The following KAT2B variants were observed in gnomAD, a reference collection of about 807,000 sequenced individuals.
The protein encoded by KAT2B is lysine acetyltransferase 2B, also known as histone acetyltransferase KAT2B.
Under a neutral mutation model 105.9 loss-of-function variants are expected in KAT2B, and 36 were observed. The ratio of observed to expected loss-of-function variants is 0.34; its 90% confidence interval spans 0.26 to 0.45. The LOEUF (loss-of-function observed/expected upper bound fraction) is 0.45, where lower values mean the gene tolerates loss of function less well. KAT2B is among the 20% of genes least tolerant of loss of function. The pLI is 1.00. For missense variants in KAT2B, 820 were observed against 1,021.6 expected, an observed-to-expected ratio of 0.80 and a Z score of 2.69; for synonymous variants, 397 against 377.9, an observed-to-expected ratio of 1.05 and a Z score of -0.59.
intron 2 of KAT2B, among the ~76,000 whole-genome samples, chr3:20,072,823 CT>C (rs2125181495): frequency 6.6e-6 from 1 of 152,318 alleles, no homozygotes; most frequent in Admixed American, 6.5e-5. Context: ...CCTCAACCAA[CT>C]GGTTTAATGA....
chr3:20,074,541 ATGT>A (rs1698384271), intron 2 of KAT2B, among the ~76,000 whole-genome samples: 1 of 152,216 alleles, frequency 6.6e-6, no homozygotes, highest in Admixed American at 6.5e-5. Context: ...TTATTGGCTG[ATGT>A]TGTTCGTAGT....
At chr3:20,057,421 A>T (rs1698020514) in intron 1 of KAT2B, among the ~76,000 whole-genome samples, 1 of 152,182 alleles carries the variant, frequency 6.6e-6, no homozygotes, top group Admixed American at 6.5e-5. Flanking sequence ...GAAACAACGT[A>T]TAAGGCACTA....
intron 1 of KAT2B, among the ~76,000 whole-genome samples, chr3:20,059,412 C>CAA (rs34763319): frequency 2.0e-3 from 75 of 38,312 alleles, no homozygotes; most frequent in African/African-American, 2.6e-3. Context: ...GACTCTGTCT[C>CAA]AAAAAAAAAA....
chr3:20,047,484 C>T (rs568835384), intron 1 of KAT2B, among the ~76,000 whole-genome samples: 29 of 152,184 alleles, frequency 1.9e-4, no homozygotes, highest in African/African-American at 6.7e-4. Context: ...ATTTATAGAT[C>T]ATAAAACTTG....
In KAT2B at chr3:20,055,553, C is replaced by T. The variant is rs77384829; in HGVS notation, c.303+14773C>T. 2.3e-3 allele frequency among the ~76,000 whole-genome samples: 355 copies of T among 152,036 alleles called. 7 individuals carry two copies. In the East Asian group the frequency reaches 0.052, roughly 22 times the overall value. ...TGATAAGAAGTGAGGAAGAGGGTGCCGTGCAAAGACTCTGGGGCCAGAAGT... is the reference window on the plus strand; with the variant it reads ...TGATAAGAAGTGAGGAAGAGGGTGCTGTGCAAAGACTCTGGGGCCAGAAGT... On this transcript the variant is annotated intron_variant, in intron 1 of 17. Coordinates refer to ENST00000263754, the MANE Select transcript of KAT2B (RefSeq NM_003884.5).
chr3:20,075,955 T>G (rs1421538180), intron 2 of KAT2B, among the ~76,000 whole-genome samples: 1 of 152,130 alleles, frequency 6.6e-6, no homozygotes, highest in African/African-American at 2.4e-5. Flanking sequence ...CTCTACACTT[T>G]CCCTCCCTTA....
At chr3:20,108,017 C>G (rs1344628928) in intron 5 of KAT2B, among the ~76,000 whole-genome samples, 2 of 152,008 alleles carry the variant, frequency 1.3e-5, no homozygotes, top group Non-Finnish European at 1.5e-5. Context: ...ATCATGTTCC[C>G]CAGGCTGGTC....
rs549599293 is a variant in KAT2B at position 20,133,304 on chromosome 3, G to A, written c.1750-3638G>A. Among the ~76,000 whole-genome samples, 62 of 152,106 alleles carry A rather than the reference G, an allele frequency of 4.1e-4. 1 individual carries two copies. In the South Asian group the frequency reaches 0.013, roughly 31 times the overall value. ...CATTACTGGAAAAAAACTTTACATT[G>A]TCCTAGAGACCTTTCAGCTTTAGTG... On this transcript the variant is annotated intron_variant, in intron 11 of 17. Coordinates refer to ENST00000263754, the MANE Select transcript of KAT2B (RefSeq NM_003884.5).
chr3:20,119,681 A>C lies in KAT2B; in HGVS notation c.1234A>C (p.Ser412Arg). The stretch of plus-strand genomic sequence containing the variant: ...TGAGCAGCCAAACGCAGGGAGCAGC[A>C]GTCCTGCCTGCAAAGCCTCTTCTGG... The part of the protein sequence containing the change: ...SLEQPNAGSS[S>R]PACKASSGLE... Residue 412 changes from serine (S) to arginine (R), a missense_variant, in exon 8 of 18, where the codon AGT becomes CGT. Around this residue, in one of 6 missense-constraint regions of KAT2B, gnomAD observed 225 missense variants for 268.1 expected, o/e 0.84. Transcript: ENST00000263754. 3 of 1,614,132 alleles carry C rather than the reference A, an allele frequency of 1.9e-6. No homozygotes were observed. The highest frequency in any genetic ancestry group is 2.5e-6 in the Non-Finnish European group (3 of 1,179,976).
At chr3:20,138,996 C>T (rs1026576712) in intron 12 of KAT2B, among the ~76,000 whole-genome samples, 3 of 152,116 alleles carry the variant, frequency 2.0e-5, no homozygotes, top group African/African-American at 7.2e-5. Flanking sequence ...TGGGCTCAGG[C>T]GATCCTCCTG....
chr3:20,143,933 T>C (rs1050682108), intron 13 of KAT2B, among the ~76,000 whole-genome samples: 4 of 152,198 alleles, frequency 2.6e-5, no homozygotes, highest in African/African-American at 9.7e-5. Flanking sequence ...TGTCAGGTAC[T>C]GTGCTCACTA....
intron 13 of KAT2B, among the ~76,000 whole-genome samples, chr3:20,145,104 T>C (rs1054266847): frequency 2.0e-5 from 3 of 152,244 alleles, no homozygotes; most frequent in Non-Finnish European, 4.4e-5. Flanking sequence ...GCCAATCCTC[T>C]GATTTTCAAG....
chr3:20,041,780 C>A (rs1462280366), intron 1 of KAT2B, among the ~76,000 whole-genome samples: 1 of 152,218 alleles, frequency 6.6e-6, no homozygotes. Context: ...TTCCTGCCTG[C>A]TGTAAAGAGG....
At chr3:20,040,980 AG>A (rs987110130) in intron 1 of KAT2B, among the ~76,000 whole-genome samples, 200 bp downstream of exon 1, 2 of 152,112 alleles carry the variant, frequency 1.3e-5, no homozygotes, top group Non-Finnish European at 2.9e-5. Flanking sequence ...GGTTTGAAGA[AG>A]GGGGATCACT....
rs147008372 is a variant in KAT2B at position 20,098,402 on chromosome 3, C to G, written c.577-1460C>G. ...TAAATGTGACTTTGGGCAAGTTAAT[C>G]TGCCTTGTTAGTAGTAGCACCTACC... is the stretch of plus-strand genomic sequence containing the variant. On this transcript the variant is annotated intron_variant, in intron 3 of 17. Transcript: ENST00000263754. Among the ~76,000 whole-genome samples the G allele has an allele frequency of 4.6e-4, 70 of 152,288 alleles. No individual in the cohort carries two copies. The East Asian group carries it at 0.012, about 27-fold the overall frequency.
intron 11 of KAT2B, among the ~76,000 whole-genome samples, chr3:20,135,356 C>T (rs7626405): frequency 0.26 from 39,416 of 151,764 alleles, 7,996 homozygotes; most frequent in East Asian, 0.62. Flanking sequence ...GAAAAAACTC[C>T]GAAAAAAGTG....
At chr3:20,140,125 T>C (rs1699671807) in intron 12 of KAT2B, 96 bp from the exon 13 acceptor site, 4 of 791,332 alleles carry the variant, frequency 5.1e-6, no homozygotes, top group Non-Finnish European at 8.4e-6. Context: ...TCAAAGAAGC[T>C]TGTCTTGATT....
intron 10 of KAT2B, among the ~76,000 whole-genome samples, chr3:20,127,080 T>C (rs1184589396): frequency 6.6e-6 from 1 of 152,212 alleles, no homozygotes; most frequent in Non-Finnish European, 1.5e-5. Flanking sequence ...CATACCATGT[T>C]TGTCCATGAC....
At chr3:20,138,567 A>G (rs1699643958) in intron 12 of KAT2B, among the ~76,000 whole-genome samples, 1 of 152,196 alleles carries the variant, frequency 6.6e-6, no homozygotes, top group South Asian at 2.1e-4. Context: ...GGGTCAGGAA[A>G]GGAGTTGGTA....
Sources: allele counts gnomAD v4.1 joint callset (sites outside exome capture counted in the v4.1 genomes callset), GRCh38; gene constraint gnomAD v4.1.1; regional missense constraint gnomAD v4.1.1; transcripts MANE v1.5; gene names NCBI Gene and HGNC (gene_info 2026-07-23, HGNC 2026-07-21).